PDZRN4: variants seen among roughly 807,000 people sequenced by gnomAD.
PDZRN4 encodes PDZ domain-containing RING finger protein 4.
In PDZRN4, 70 loss-of-function variants were observed where a neutral mutation model predicts 99.0. The ratio of observed to expected loss-of-function variants is 0.71; its 90% confidence interval spans 0.58 to 0.86. The LOEUF is 0.86. Among genes scored for constraint, PDZRN4 ranks in the 40% least tolerant of loss-of-function variants. PDZRN4 has a pLI of 0.00. For missense variants in PDZRN4, 1,474 were observed against 1,331.2 expected, an observed-to-expected ratio of 1.11 and a Z score of -1.67; for synonymous variants, 551 against 501.6, an observed-to-expected ratio of 1.10 and a Z score of -1.32.
At chr12:41,317,189 C>T (rs1254197047) in intron 3 of PDZRN4, among the ~76,000 whole-genome samples, 15 of 150,490 alleles carry the variant, frequency 1.0e-4, no homozygotes, top group Non-Finnish European at 3.0e-5. Context: ...CATCTATCTA[C>T]CTAGAAACAG....
At chr12:41,298,971 T>C (rs1220422114) in intron 3 of PDZRN4, among the ~76,000 whole-genome samples, 1 of 152,130 alleles carries the variant, frequency 6.6e-6, no homozygotes, top group Non-Finnish European at 1.5e-5. Flanking sequence ...TGCATCCCCC[T>C]TTGGCCTTGT....
At chr12:41,426,985 C>A (rs1272110905) in intron 3 of PDZRN4, among the ~76,000 whole-genome samples, 1 of 152,150 alleles carries the variant, frequency 6.6e-6, no homozygotes, top group Non-Finnish European at 1.5e-5. Context: ...CCTACACACA[C>A]CCCTAGTTAA....
chr12:41,481,886 T>C (rs1937679211), intron 3 of PDZRN4, among the ~76,000 whole-genome samples: 3 of 152,170 alleles, frequency 2.0e-5, no homozygotes, highest in African/African-American at 7.2e-5. Context: ...ATTTACTAGA[T>C]GTTTGTAGAT....
intron 3 of PDZRN4, among the ~76,000 whole-genome samples, chr12:41,361,648 G>A (rs1333715451): frequency 6.6e-6 from 1 of 152,006 alleles, no homozygotes; most frequent in Non-Finnish European, 1.5e-5. Flanking sequence ...AAAAAAAGAA[G>A]CAAGGAATAC....
At chr12:41,434,311 C>T (rs1479354509) in intron 3 of PDZRN4, among the ~76,000 whole-genome samples, 4 of 151,904 alleles carry the variant, frequency 2.6e-5, no homozygotes, top group African/African-American at 4.8e-5. Context: ...CATTTGCTCA[C>T]ATTTGAAAAG....
At chr12:41,258,088 A>G (rs1951215328) in intron 3 of PDZRN4, among the ~76,000 whole-genome samples, 1 of 151,906 alleles carries the variant, frequency 6.6e-6, no homozygotes, top group Admixed American at 6.6e-5. Context: ...ACAATGAGCT[A>G]CTCCCTGTGT....
chr12:41,457,858 G>T (rs1460590769), intron 3 of PDZRN4, among the ~76,000 whole-genome samples: 1 of 152,176 alleles, frequency 6.6e-6, no homozygotes, highest in Non-Finnish European at 1.5e-5. Flanking sequence ...CTAGGTGCAA[G>T]GCATTGCAGT....
At chr12:41,568,190 T>TA (rs1292284609) in intron 9 of PDZRN4, among the ~76,000 whole-genome samples, 1 of 152,096 alleles carries the variant, frequency 6.6e-6, no homozygotes, top group Non-Finnish European at 1.5e-5. Context: ...AATTTAAGAG[T>TA]AAAAAATGTG....
intron 5 of PDZRN4, among the ~76,000 whole-genome samples, chr12:41,510,531 T>G (rs1276422334): frequency 6.6e-6 from 1 of 152,160 alleles, no homozygotes; most frequent in Non-Finnish European, 1.5e-5. Flanking sequence ...AGTTAAAGAA[T>G]GTATCCTAAT....
At chr12:41,229,128 G>C (rs1300754781) in intron 3 of PDZRN4, among the ~76,000 whole-genome samples, 1 of 150,770 alleles carries the variant, frequency 6.6e-6, no homozygotes, top group Non-Finnish European at 1.5e-5. Flanking sequence ...TTCATCTAAT[G>C]TTTACACTGA....
At chr12:41,519,000 A>G (rs1284802398) in intron 5 of PDZRN4, among the ~76,000 whole-genome samples, 2 of 152,104 alleles carry the variant, frequency 1.3e-5, no homozygotes, top group Non-Finnish European at 2.9e-5. Flanking sequence ...TATGGAAATA[A>G]TATAGTTTCA....
chr12:41,403,185 C>T (rs116899686), intron 3 of PDZRN4, among the ~76,000 whole-genome samples: 1,961 of 152,200 alleles, frequency 0.013, 87 homozygotes, highest in Admixed American at 0.09. Flanking sequence ...GTGATTCCCC[C>T]CACACATTTA....
intron 3 of PDZRN4, among the ~76,000 whole-genome samples, chr12:41,239,162 A>AG (rs1951087802): frequency 6.6e-6 from 1 of 152,226 alleles, no homozygotes; most frequent in African/African-American, 2.4e-5. Flanking sequence ...TGTCCTTTGC[A>AG]GGGGCATGGA....
chr12:41,264,921 G>C (rs542048076), intron 3 of PDZRN4, among the ~76,000 whole-genome samples: 176 of 152,180 alleles, frequency 1.2e-3, no homozygotes, highest in African/African-American at 4.1e-3. Context: ...GGAAACACTA[G>C]ACACTGGGTA....
rs759342193 is a variant in PDZRN4 at position 41,189,076 on chromosome 12, C to T, written c.621C>T (p.Val207=). ...ACATGGCTCACGTCCGCAACTTCGT[C>T]GGCGACCTCGGTGGCGGCCACCGCA... ...TQYMAHVRNF[V]GDLGGGHRRD... The change falls in exon 1 of 10, where the codon GTC becomes GTT. Residue 207 remains valine (V), a synonymous_variant. Transcript: ENST00000402685. The T allele has an allele frequency of 2.5e-5, 39 of 1,581,120 alleles. No individual in the cohort carries two copies. Among genetic ancestry groups the T allele is most frequent in the South Asian group, 2.3e-4 (20 of 87,642 alleles).
intron 3 of PDZRN4, among the ~76,000 whole-genome samples, chr12:41,230,681 C>T (rs947382908): frequency 1.3e-5 from 2 of 152,060 alleles, no homozygotes; most frequent in Non-Finnish European, 2.9e-5. Flanking sequence ...AAGTGTATTT[C>T]ATCTATATCA....
rs563271195 is a variant in PDZRN4, at chr12:41,454,959, A to T, written c.844-51497A>T. On this transcript the variant is annotated intron_variant, in intron 3 of 9. Coordinates refer to ENST00000402685, the MANE Select transcript of PDZRN4 (RefSeq NM_001164595.2). Reference sequence around the variant, plus strand: ...GAAGTATGGCTGGTATAACTCAGGAATTGAACTTCTACATTTGGTCATTTT... The same window carrying T: ...GAAGTATGGCTGGTATAACTCAGGATTTGAACTTCTACATTTGGTCATTTT... 1.7e-3 allele frequency among the ~76,000 whole-genome samples: 256 copies of T among 152,352 alleles called. 2 individuals are homozygous for T. Among genetic ancestry groups the T allele is most frequent in the African/African-American group, 5.7e-3 (239 of 41,586 alleles).
intron 3 of PDZRN4, among the ~76,000 whole-genome samples, chr12:41,259,527 T>C (rs17129172): frequency 2.6e-4 from 39 of 152,270 alleles, no homozygotes; most frequent in African/African-American, 9.1e-4. Flanking sequence ...GAAATTAGAC[T>C]GAGGGTTGGA....
chr12:41,342,322 C>T (rs1036971500), intron 3 of PDZRN4, among the ~76,000 whole-genome samples: 5 of 151,608 alleles, frequency 3.3e-5, no homozygotes, highest in East Asian at 1.9e-4. Flanking sequence ...CCCAGAAGCG[C>T]GGGCAACAAA....
Sources: gnomAD v4.1 joint callset for allele counts (sites outside exome capture counted in the v4.1 genomes callset) on GRCh38, gnomAD v4.1.1 for gene constraint, MANE v1.5 for transcripts, NCBI Gene and HGNC (gene_info 2026-07-23, HGNC 2026-07-21) for gene names.